The following TBC1D25 variants were observed in gnomAD, a reference collection of about 807,000 sequenced individuals.
TBC1D25 encodes 5SN3 snoRNA.
Under a neutral mutation model 38.8 loss-of-function variants are expected in TBC1D25, and 13 were observed. The observed-to-expected ratio is 0.34, with a 90% CI of 0.22 to 0.53. The LOEUF (loss-of-function observed/expected upper bound fraction) is 0.53, where lower values mean the gene tolerates loss of function less well. Among genes scored for constraint, TBC1D25 ranks in the 20% least tolerant of loss-of-function variants. The pLI is 0.94. For synonymous variants in TBC1D25, 225 were observed against 255.6 expected, an observed-to-expected ratio of 0.88 and a Z score of 1.14; for missense variants, 372 against 600.0, an observed-to-expected ratio of 0.62 and a Z score of 3.97.
intron 3 of TBC1D25, among the ~76,000 whole-genome samples, chrX:48,556,765 A>G (rs1569483422): frequency 9.3e-6 from 1 of 107,164 alleles, no homozygotes; most frequent in African/African-American, 3.4e-5. Context: ...AAAAAAAAAA[A>G]AAAGCCAGCC....
At chrX:48,543,900 G>A (rs912267934) in intron 2 of TBC1D25, among the ~76,000 whole-genome samples, 5 of 100,146 alleles carry the variant, frequency 5.0e-5, no homozygotes, top group Admixed American at 3.2e-4. Flanking sequence ...AAAAAAAAAC[G>A]AATTTATGAT....
intron 3 of TBC1D25, among the ~76,000 whole-genome samples, chrX:48,550,306 A>G (rs2061919672): frequency 8.9e-6 from 1 of 111,747 alleles, no homozygotes; most frequent in South Asian, 3.7e-4. Flanking sequence ...CATTTATTAA[A>G]TAATCACCTT....
chrX:48,539,853 G>A lies in TBC1D25; in HGVS notation c.56G>A (p.Gly19Asp). ...TCTGGCTCCGGAGCGCCCCCGCCCG[G>A]TGTGGGAGCTCAGGCGGCGGCGGCC... Reference protein sequence around the residue: ...DLSGSGAPPPGVGAQAAAAAE... With the variant: ...DLSGSGAPPPDVGAQAAAAAE... Residue 19 changes from glycine (G) to aspartate (D), a missense_variant, in exon 1 of 6, where the codon GGT becomes GAT. Transcript: ENST00000376771. The A allele has an allele frequency of 3.1e-6, 3 of 972,250 alleles. No individual in the cohort carries two copies. The highest frequency in any genetic ancestry group is 8.5e-5 in the South Asian group (2 of 23,593). 80.1% of individuals were successfully genotyped at this position (972,250 alleles called of 1,213,427 possible).
chrX:48,545,712 C>T (rs1160574319), intron 3 of TBC1D25, among the ~76,000 whole-genome samples: 7 of 112,100 alleles, frequency 6.2e-5, no homozygotes, highest in Non-Finnish European at 9.4e-5. Context: ...GGGTGTGTGT[C>T]TTAGTCGTTT....
chrX:48,551,088 G>A (rs2061928093), intron 3 of TBC1D25, among the ~76,000 whole-genome samples: 1 of 111,559 alleles, frequency 9.0e-6, no homozygotes, highest in African/African-American at 3.3e-5. Context: ...TTAGGGTTTG[G>A]GAAGTTTGAC....
chrX:48,552,854 A>G (rs1254910841), intron 3 of TBC1D25, among the ~76,000 whole-genome samples: 1 of 109,282 alleles, frequency 9.2e-6, no homozygotes, highest in Non-Finnish European at 1.9e-5. Flanking sequence ...CTATGGCACA[A>G]TCTCAGCTTA....
At chrX:48,549,316 G>A (rs1047033220) in intron 3 of TBC1D25, among the ~76,000 whole-genome samples, 2 of 112,040 alleles carry the variant, frequency 1.8e-5, no homozygotes, top group Non-Finnish European at 3.8e-5. Flanking sequence ...GATTACAGGC[G>A]GGAGCCACCG....
chrX:48,560,846 C>T lies in TBC1D25; in HGVS notation c.1938C>T (p.His646=). 5 of 1,212,432 alleles carry T rather than the reference C, an allele frequency of 4.1e-6. No homozygotes were observed. Among genetic ancestry groups the T allele is most frequent in the African/African-American group, 1.7e-5 (1 of 58,060 alleles). The change falls in exon 6 of 6, where the codon CAC becomes CAT. Residue 646 remains histidine, a synonymous_variant. Transcript: ENST00000376771. ...NGLDYNELAM[H]FDRLVRKHHL... ...TGGATTATAATGAGCTGGCCATGCA[C>T]TTTGACCGCCTTGTGCGAAAACACC...
chrX:48,555,729 A>G (rs2061970119), intron 3 of TBC1D25, among the ~76,000 whole-genome samples: 1 of 110,292 alleles, frequency 9.1e-6, no homozygotes, highest in South Asian at 3.9e-4. Context: ...CTATCTTGGC[A>G]AGGGGAGTGT....
At chrX:48,545,087 C>A in intron 3 of TBC1D25, 64 bp downstream of exon 3, 2 of 1,165,427 alleles carry the variant, frequency 1.7e-6, no homozygotes, top group African/African-American at 1.7e-5. Flanking sequence ...GGTGATGCTA[C>A]CCCTCACAGT....
intron 1 of TBC1D25, 144 bp downstream of exon 1, chrX:48,540,064 G>T (rs1556979829): frequency 8.6e-6 from 7 of 812,189 alleles, no homozygotes; most frequent in Non-Finnish European, 1.1e-5. Flanking sequence ...TGATGGCGAG[G>T]GGTAGGGAGG....
At chrX:48,541,897 C>T (rs911261827) in intron 2 of TBC1D25, among the ~76,000 whole-genome samples, 1 of 111,952 alleles carries the variant, frequency 8.9e-6, no homozygotes, top group African/African-American at 3.2e-5. Context: ...TGTTGTAAAA[C>T]AGACTCTGTG....
intron 2 of TBC1D25, 135 bp from the exon 3 acceptor site, chrX:48,544,734 C>A: frequency 2.5e-6 from 2 of 814,481 alleles, no homozygotes; most frequent in Non-Finnish European, 3.4e-6. Flanking sequence ...TGCCCATAAT[C>A]CTTGGCACAG....
intron 3 of TBC1D25, among the ~76,000 whole-genome samples, chrX:48,553,347 G>T (rs1342676704): frequency 9.2e-6 from 1 of 108,941 alleles, no homozygotes; most frequent in African/African-American, 3.3e-5. Context: ...TTTGCTCAGA[G>T]AACTTCTTTG....
intron 3 of TBC1D25, among the ~76,000 whole-genome samples, chrX:48,555,128 G>A (rs945046956): frequency 2.7e-5 from 3 of 111,281 alleles, no homozygotes; most frequent in Non-Finnish European, 5.7e-5. Flanking sequence ...TTAAGAGAGT[G>A]GGAGGGGGAC....
intron 3 of TBC1D25, among the ~76,000 whole-genome samples, chrX:48,547,937 CAAA>C (rs1166013131): frequency 8.3e-5 from 3 of 36,053 alleles, no homozygotes; most frequent in African/African-American, 1.1e-4. Context: ...GACTCCATCT[CAAA>C]AAAAAAAAAA....
Position 48,559,258 on chromosome X carries a change from C to T in TBC1D25, c.617C>T (p.Thr206Met), listed in dbSNP as rs1446094572. The T allele has an allele frequency of 8.3e-7, 1 of 1,211,224 alleles. No homozygotes were observed. Among genetic ancestry groups the T allele is most frequent in the South Asian group, 1.8e-5 (1 of 56,832 alleles). Residue 206 changes from threonine to methionine, a missense_variant, in exon 5 of 6, where the codon ACG (threonine) becomes ATG (methionine). Thr to Met is a moderately conservative substitution (Grantham distance 81, BLOSUM62 -1). Coordinates refer to ENST00000376771, the MANE Select transcript of TBC1D25 (RefSeq NM_002536.4). ...KPPLSDAEFHTYLNHEGQLSR... is the reference protein window; with the variant it reads ...KPPLSDAEFHMYLNHEGQLSR... ...CCCCTGAGCGATGCTGAGTTTCACA[C>T]GTACCTGAACCACGAGGGCCAGCTC...
At chrX:48,556,795 G>A (rs2061979683) in intron 3 of TBC1D25, among the ~76,000 whole-genome samples, 1 of 107,379 alleles carries the variant, frequency 9.3e-6, no homozygotes, top group Non-Finnish European at 1.9e-5. Context: ...TGCCATTGTT[G>A]GCTTAGTAGC....
rs1569484241 is a variant in TBC1D25, at chrX:48,560,879, G to T, written c.1971G>T (p.Gly657=). The T allele has an allele frequency of 8.2e-7, 1 of 1,212,234 alleles. No individual in the cohort carries two copies. Residue 657 remains glycine (G), a synonymous_variant, in exon 6 of 6, where the codon GGG becomes GGT. Transcript: ENST00000376771. The part of the protein sequence containing the change: ...FDRLVRKHHL[G]RVLRRARALF... ...GCCTTGTGCGAAAACACCACCTGGG[G>T]CGCGTCCTGCGCCGGGCTAGGGCTC...
Sources: gnomAD v4.1 joint callset for allele counts (sites outside exome capture counted in the v4.1 genomes callset) on GRCh38, gnomAD v4.1.1 for gene constraint, MANE v1.5 for transcripts, NCBI Gene and HGNC (gene_info 2026-07-23, HGNC 2026-07-21) for gene names.